The following SLX4IP variants were observed in gnomAD, a reference collection of about 807,000 sequenced individuals.
SLX4IP encodes protein SLX4IP.
Under a neutral mutation model 32.9 loss-of-function variants are expected in SLX4IP, and 34 were observed. The observed-to-expected ratio is 1.03, with a 90% confidence interval of 0.79 to 1.38. SLX4IP has a LOEUF of 1.38. SLX4IP is among the 40% of genes most tolerant of loss of function. The pLI is 0.00. For synonymous variants in SLX4IP, 172 were observed against 171.7 expected (o/e 1.00, Z -0.01); for missense variants, 444 against 479.0 (o/e 0.93, Z 0.68).
intron 2 of SLX4IP, among the ~76,000 whole-genome samples, chr20:10,512,038 G>A (rs2065812112): frequency 6.6e-6 from 1 of 152,184 alleles, no homozygotes; most frequent in African/African-American, 2.4e-5. Context: ...GTCTAGAACA[G>A]GGGTTGGCAA....
In SLX4IP at chr20:10,458,060, A is replaced by G. The variant is rs2065302113; in HGVS notation, c.-29-116A>G. 5.8e-6 allele frequency: 3 copies of G among 520,212 alleles called. No homozygotes were observed. In the East Asian group the frequency reaches 1.1e-4, roughly 18 times the overall value. The allele number at this position is 520,212 out of a possible 1,614,324, so 32.2% of individuals were successfully genotyped here. A position where few individuals can be genotyped will look rare whatever the true frequency, so the allele number is the denominator to read the frequency against. On this transcript the variant is annotated intron_variant, in intron 1 of 7. Transcript: ENST00000334534. ...TGGTTAAGGGCAATTATAAGTGAAC[A>G]TTCATCTCATAAATACCTATTGATA...
intron 3 of SLX4IP, among the ~76,000 whole-genome samples, chr20:10,559,713 A>G (rs186304442): frequency 3.3e-4 from 50 of 152,336 alleles, no homozygotes; most frequent in Non-Finnish European, 6.8e-4. Context: ...AATAACACCA[A>G]AACAATAAAA....
chr20:10,547,540 A>C (rs1220554863), intron 2 of SLX4IP, among the ~76,000 whole-genome samples: 1 of 152,208 alleles, frequency 6.6e-6, no homozygotes, highest in Non-Finnish European at 1.5e-5. Context: ...AGTTTCCTTT[A>C]ATTGGTCTGG....
intron 2 of SLX4IP, among the ~76,000 whole-genome samples, chr20:10,535,031 G>A (rs570644545): frequency 1.3e-5 from 2 of 152,254 alleles, no homozygotes; most frequent in South Asian, 4.1e-4. Flanking sequence ...AAGGTTTTTA[G>A]CTGGGATGAG....
chr20:10,608,690 A>G (rs1181967094), intron 6 of SLX4IP, among the ~76,000 whole-genome samples: 5 of 151,612 alleles, frequency 3.3e-5, no homozygotes, highest in Non-Finnish European at 7.4e-5. Flanking sequence ...AAAAAAAAAA[A>G]AAAGGTCATA....
At chr20:10,435,560 C>T (rs2065103469) in intron 1 of SLX4IP, 107 bp downstream of exon 1, 9 of 152,200 alleles carry the variant, frequency 5.9e-5, no homozygotes, top group Admixed American at 5.9e-4. Flanking sequence ...GAGACTTTTC[C>T]GAATCCTTCT....
At position 10,592,682 on chromosome 20, in the gene SLX4IP, C is replaced by T. The variant is rs372492977; in HGVS notation, c.239-5993C>T. Among the ~76,000 whole-genome samples the T allele has an allele frequency of 5.7e-5, 7 of 123,444 alleles. No homozygotes were observed. The East Asian group carries it at 7.7e-4, about 14-fold the overall frequency. The allele number at this position is 123,444 out of a possible 152,430, so 81.0% of individuals were successfully genotyped here. A position where few individuals can be genotyped will look rare whatever the true frequency, so the allele number is the denominator to read the frequency against. ...TGGAGTCTCACTCTGTTGCCCAGGC[C>T]GGAGTGCAGTGCCATGATCTCGGCT... is the stretch of plus-strand genomic sequence containing the variant. On this transcript the variant is annotated intron_variant, in intron 4 of 7. Coordinates refer to ENST00000334534, the MANE Select transcript of SLX4IP (RefSeq NM_001009608.3).
chr20:10,470,202 T>A (rs550168301), intron 2 of SLX4IP, among the ~76,000 whole-genome samples: 30 of 152,302 alleles, frequency 2.0e-4, no homozygotes, highest in African/African-American at 6.7e-4. Flanking sequence ...TTACTGCTCA[T>A]CCGACTCACC....
chr20:10,580,306 C>T (rs1255013679), intron 4 of SLX4IP, among the ~76,000 whole-genome samples: 1 of 152,046 alleles, frequency 6.6e-6, no homozygotes, highest in Non-Finnish European at 1.5e-5. Flanking sequence ...CGTCAGTCTA[C>T]CCTACCAGGG....
chr20:10,472,657 G>T (rs1321292286), intron 2 of SLX4IP, among the ~76,000 whole-genome samples: 1 of 152,226 alleles, frequency 6.6e-6, no homozygotes, highest in African/African-American at 2.4e-5. Flanking sequence ...ACCTTGGGAA[G>T]TGACTTGAGT....
chr20:10,437,273 A>C (rs2065122970), intron 1 of SLX4IP, among the ~76,000 whole-genome samples: 1 of 152,140 alleles, frequency 6.6e-6, no homozygotes, highest in East Asian at 1.9e-4. Flanking sequence ...AGCAGGCATG[A>C]GCGACTGCAC....
intron 6 of SLX4IP, among the ~76,000 whole-genome samples, chr20:10,605,495 G>A (rs1369302554): frequency 2.6e-5 from 4 of 152,110 alleles, no homozygotes; most frequent in African/African-American, 9.7e-5. Flanking sequence ...TATCTTTAAG[G>A]GTTCCATTGG....
intron 2 of SLX4IP, among the ~76,000 whole-genome samples, chr20:10,549,911 A>G (rs2066201457): frequency 6.6e-6 from 1 of 152,234 alleles, no homozygotes; most frequent in Non-Finnish European, 1.5e-5. Context: ...ATTGTAAGAT[A>G]TATGCAGTTT....
intron 2 of SLX4IP, among the ~76,000 whole-genome samples, chr20:10,535,368 C>A (rs2122470593): frequency 6.6e-6 from 1 of 152,256 alleles, no homozygotes; most frequent in South Asian, 2.1e-4. Flanking sequence ...GTTGCCCAAG[C>A]TGGAGTGTAG....
At position 10,507,773 on chromosome 20, in the gene SLX4IP, T is replaced by C. The variant is rs2065771587; in HGVS notation, c.28-48458T>C. On this transcript the variant is annotated intron_variant, in intron 2 of 7. Transcript: ENST00000334534. ...GAAAAAAGAAGTCTCAAGAATAATA[T>C]AACAGCACTTTATGCCAACCACCCA... Among the ~76,000 whole-genome samples, 3 of 152,088 alleles carry C rather than the reference T, an allele frequency of 2.0e-5. 1 individual carries two copies. Among genetic ancestry groups the C allele is most frequent in the Admixed American group, 2.0e-4 (3 of 15,266 alleles).
intron 1 of SLX4IP, among the ~76,000 whole-genome samples, chr20:10,443,948 C>A (rs1466187535): frequency 6.6e-6 from 1 of 152,192 alleles, no homozygotes; most frequent in Non-Finnish European, 1.5e-5. Context: ...GCCTCCCCAG[C>A]CATGCTTCCT....
intron 2 of SLX4IP, among the ~76,000 whole-genome samples, chr20:10,496,234 T>A (rs1445658681): frequency 6.6e-6 from 1 of 152,200 alleles, no homozygotes; most frequent in Non-Finnish European, 1.5e-5. Context: ...TGTGTAATGA[T>A]CAAGTCAGGG....
At chr20:10,589,840 G>A (rs1387455733) in intron 4 of SLX4IP, among the ~76,000 whole-genome samples, 1 of 151,712 alleles carries the variant, frequency 6.6e-6, no homozygotes, top group Admixed American at 6.6e-5. Context: ...AAGGGTCTCT[G>A]GGTGGTCGGA....
Position 10,622,808 on chromosome 20 carries a change from T to G in SLX4IP, c.656T>G (p.Met219Arg), listed in dbSNP as rs746252574. The G allele has an allele frequency of 6.2e-7, 1 of 1,614,074 alleles. No homozygotes were observed. The highest frequency in any genetic ancestry group is 8.5e-7 in the Non-Finnish European group (1 of 1,180,022). ...QASSSPPSES[M>R]GQAKDSIKAA... is the part of the protein sequence containing the mutation. Reference sequence around the variant, plus strand: ...TCCTCCAGTCCCCCATCAGAATCCATGGGACAAGCAAAGGATTCCATAAAG... The same window carrying G: ...TCCTCCAGTCCCCCATCAGAATCCAGGGGACAAGCAAAGGATTCCATAAAG... The change falls in exon 8 of 8, where the codon ATG (methionine) becomes AGG (arginine). Residue 219 changes from methionine (M) to arginine (R), a missense_variant. By Grantham distance (91) the Met-to-Arg change is moderately conservative (BLOSUM62 -1). Transcript: ENST00000334534.
Sources: allele counts gnomAD v4.1 joint callset (sites outside exome capture counted in the v4.1 genomes callset), GRCh38; gene constraint gnomAD v4.1.1; transcripts MANE v1.5; gene names NCBI Gene and HGNC (gene_info 2026-07-23, HGNC 2026-07-21).